The following FGD5 variants were observed in gnomAD, a reference collection of about 807,000 sequenced individuals.
FGD5 encodes the protein FYVE, RhoGEF and PH domain-containing protein 5.
FGD5 carries 28 observed loss-of-function variants against 133.4 expected under a neutral mutation model. The ratio of observed to expected loss-of-function variants is 0.21; its 90% confidence interval spans 0.16 to 0.29. The LOEUF is 0.29. Ranked by LOEUF, FGD5 falls within the 10% of genes least tolerant of loss-of-function variation. The probability of loss-of-function intolerance (pLI) is 1.00; values close to 1 mark genes in which losing one functional copy is unlikely to be tolerated. For synonymous variants in FGD5, 810 were observed against 776.5 expected (o/e 1.04, Z -0.72); for missense variants, 1,858 against 1,895.2 (o/e 0.98, Z 0.36).
chr3:14,920,736 C>T (rs2038660881), intron 13 of FGD5, among the ~76,000 whole-genome samples: 1 of 152,194 alleles, frequency 6.6e-6, no homozygotes, highest in Admixed American at 6.5e-5. Context: ...CTGGGGTTTG[C>T]GGCTCCTTCC....
chr3:14,904,405 ATTTAT>A lies in FGD5; in HGVS notation c.3265-3227_3265-3223del, dbSNP rs1354098135. Among the ~76,000 whole-genome samples, 5 of 152,132 alleles carry A rather than the reference ATTTAT, an allele frequency of 3.3e-5. No individual in the cohort carries two copies. The South Asian group carries it at 6.2e-4, about 19-fold the overall frequency. On this transcript the variant is annotated intron_variant, in intron 9 of 19. Coordinates refer to ENST00000285046, the MANE Select transcript of FGD5 (RefSeq NM_152536.4). Reference sequence around the variant, plus strand: ...GACTGTTATAATCCAACACTTCCTTATTTATTTTATTTCTCAAATTGTTTCAGCTT... The same window carrying A: ...GACTGTTATAATCCAACACTTCCTTATTTATTTCTCAAATTGTTTCAGCTT...
intron 10 of FGD5, among the ~76,000 whole-genome samples, chr3:14,909,761 C>CTTTTCT (rs2038411591): frequency 3.6e-5 from 5 of 137,498 alleles, no homozygotes; most frequent in Non-Finnish European, 6.3e-5. Flanking sequence ...CTTTTCTTTT[C>CTTTTCT]TTTTTTTTTT....
chr3:14,873,711 G>A (rs900371950), intron 2 of FGD5, among the ~76,000 whole-genome samples: 1 of 151,314 alleles, frequency 6.6e-6, no homozygotes, highest in Non-Finnish European at 1.5e-5. Flanking sequence ...AACGTTTAAC[G>A]TAAGAGCTAC....
intron 2 of FGD5, among the ~76,000 whole-genome samples, chr3:14,868,595 C>T (rs1011017337): frequency 8.5e-5 from 13 of 152,308 alleles, no homozygotes; most frequent in Non-Finnish European, 1.8e-4. Flanking sequence ...CACAGCTGCA[C>T]ACTGGCTCCA....
In FGD5 at chr3:14,820,854, T is replaced by G. The variant is rs2036480920; in HGVS notation, c.1783T>G (p.Phe595Val). 1 of 1,613,206 alleles carries G rather than the reference T, an allele frequency of 6.2e-7. No individual in the cohort carries two copies. The highest frequency in any genetic ancestry group is 1.7e-5 in the Admixed American group (1 of 59,964). Reference protein sequence around the residue: ...LSCVIGSSGSFSQRNHLPSSG... With the variant: ...LSCVIGSSGSVSQRNHLPSSG... Reference sequence around the variant, plus strand: ...GTGTGTAATTGGCTCCTCTGGGAGTTTCTCCCAGAGAAACCACCTTCCGTC... The same window carrying G: ...GTGTGTAATTGGCTCCTCTGGGAGTGTCTCCCAGAGAAACCACCTTCCGTC... Residue 595 changes from phenylalanine to valine, a missense_variant, in exon 1 of 20, where the codon TTC (phenylalanine) becomes GTC (valine). Phe to Val is a conservative substitution (Grantham distance 50, BLOSUM62 -1). Transcript: ENST00000285046.
chr3:14,912,496 G>T (rs1279675621), intron 11 of FGD5, among the ~76,000 whole-genome samples: 2 of 152,168 alleles, frequency 1.3e-5, no homozygotes, highest in East Asian at 3.9e-4. Context: ...TCTCAGAAGG[G>T]TTTCAAAGCC....
At position 14,898,744 on chromosome 3, in the gene FGD5, T is replaced by C. The variant is rs917377968; in HGVS notation, c.3072T>C (p.Ser1024=). Residue 1024 remains serine (S), a synonymous_variant, in exon 7 of 20, where the codon AGT becomes AGC. Coordinates refer to ENST00000285046, the MANE Select transcript of FGD5 (RefSeq NM_152536.4). ...CTTCCCTGTCTTGAGAGCAGCAGAG[T>C]GTACAAGGAGGCAGCCAGACTGCGA... is the stretch of plus-strand genomic sequence containing the variant. ...LAAAVREFEQ[S]VQGGSQTAKH... is the part of the protein sequence containing the mutation. The C allele has an allele frequency of 3.8e-6, 6 of 1,580,780 alleles. No individual in the cohort carries two copies. The African/African-American group carries it at 4.1e-5, about 11-fold the overall frequency.
chr3:14,925,629 G>A (rs909559216), intron 17 of FGD5, among the ~76,000 whole-genome samples: 3 of 152,100 alleles, frequency 2.0e-5, no homozygotes, highest in Non-Finnish European at 2.9e-5. Flanking sequence ...AGGACTTAAC[G>A]CTGCACACAC....
Position 14,922,512 on chromosome 3 carries a change from C to T in FGD5, c.3771C>T (p.Leu1257=), listed in dbSNP as rs758290837. Residue 1257 remains leucine, a synonymous_variant, in exon 15 of 20, where the codon CTC becomes CTT. Transcript: ENST00000285046. This position sits in a 1 kb window ranked among gnomAD's most constrained non-coding sequence, Gnocchi z 4.1. ...MCMNCGCDFS[L]TLRRHHCHAC... ...TGAACTGCGGCTGCGACTTCTCCCT[C>T]ACCCTGCGGCGTCATCACTGTCACG... 3 of 1,582,528 alleles carry T rather than the reference C, an allele frequency of 1.9e-6. No homozygotes were observed. The South Asian group carries it at 3.5e-5, about 18-fold the overall frequency.
intron 1 of FGD5, among the ~76,000 whole-genome samples, chr3:14,838,991 A>C (rs2125083533): frequency 6.6e-6 from 1 of 152,346 alleles, no homozygotes; most frequent in East Asian, 1.9e-4. Context: ...ACAGTTGCAC[A>C]GCTTTGTACC....
chr3:14,865,912 A>G (rs1033547520), intron 2 of FGD5, among the ~76,000 whole-genome samples: 5 of 152,162 alleles, frequency 3.3e-5, no homozygotes, highest in African/African-American at 1.2e-4. Context: ...GTGCCCATTT[A>G]GAGATGATTT....
upstream of FGD5, chr3:14,818,865 G>A (rs1241185663): frequency 2.2e-6 from 3 of 1,346,620 alleles, no homozygotes; most frequent in African/African-American, 3.0e-5. Context: ...GGAACCATCT[G>A]TGGCGTCCCC....
chr3:14,871,290 G>A (rs2037601557), intron 2 of FGD5, among the ~76,000 whole-genome samples: 1 of 152,180 alleles, frequency 6.6e-6, no homozygotes, highest in South Asian at 2.1e-4. Flanking sequence ...TTGCTGCCTA[G>A]TACATTAAGA....
intron 7 of FGD5, 35 bp downstream of exon 7, chr3:14,898,861 G>A (rs780205998): frequency 2.8e-5 from 43 of 1,542,482 alleles, no homozygotes; most frequent in African/African-American, 8.2e-5. Flanking sequence ...GGACTGAGGC[G>A]GCAGGGCAGG....
At chr3:14,900,966 T>TG (rs1553630164) in intron 8 of FGD5, 37 bp from the exon 9 acceptor site, 2 of 1,613,424 alleles carry the variant, frequency 1.2e-6, no homozygotes, top group Non-Finnish European at 1.7e-6. Flanking sequence ...ATGCCCCTCT[T>TG]GCAATGGCCC....
chr3:14,819,403 T>C lies in FGD5; in HGVS notation c.332T>C (p.Leu111Pro). 6.5e-7 allele frequency: 1 copy of C among 1,549,930 alleles called. No individual in the cohort carries two copies. The highest frequency in any genetic ancestry group is 8.7e-7 in the Non-Finnish European group (1 of 1,146,378). Residue 111 changes from leucine to proline, a missense_variant, in exon 1 of 20, where the codon CTG becomes CCG. By Grantham distance (98) the Leu-to-Pro change is moderately conservative (BLOSUM62 -3). Coordinates refer to ENST00000285046, the MANE Select transcript of FGD5 (RefSeq NM_152536.4). The surrounding 1 kb of genome is among the most constrained non-coding windows in gnomAD (Gnocchi z 4.1). ...GAAGAGGGAGGCGAGGCATGTGGCC[T>C]GGAGGGTACAGGAGCTGGTGAGGAT... ...EREEGGEACG[L>P]EGTGAGEDSV... is the part of the protein sequence containing the mutation.
Position 14,897,933 on chromosome 3 carries a change from C to G in FGD5, c.2910-6C>G. On this transcript the variant is annotated splice_region_variant and splice_polypyrimidine_tract_variant and intron_variant, in intron 5 of 19. Transcript: ENST00000285046. The stretch of plus-strand genomic sequence containing the variant: ...CTCACTGTCCCATCCCCATTCCTGG[C>G]TGCAGGGAGAGCCAGCAGAAGGTAG... The G allele has an allele frequency of 2.5e-6, 4 of 1,613,926 alleles. No individual in the cohort carries two copies. The highest frequency in any genetic ancestry group is 3.4e-6 in the Non-Finnish European group (4 of 1,179,842).
At chr3:14,814,863 G>T (rs1264923080), upstream of FGD5, among the ~76,000 whole-genome samples, 1 of 152,150 alleles carries the variant, frequency 6.6e-6, no homozygotes, top group African/African-American at 2.4e-5. Context: ...TAGTTGCGCA[G>T]ACTCAAAACC....
At chr3:14,876,926 G>A (rs888317112) in intron 2 of FGD5, among the ~76,000 whole-genome samples, 1 of 152,228 alleles carries the variant, frequency 6.6e-6, no homozygotes, top group Non-Finnish European at 1.5e-5. Context: ...CGACCTGCCC[G>A]GGTCCCAGAA....
Sources: allele counts gnomAD v4.1 joint callset (sites outside exome capture counted in the v4.1 genomes callset), GRCh38; gene constraint gnomAD v4.1.1; non-coding constraint Gnocchi (gnomAD v3.1); transcripts MANE v1.5; gene names NCBI Gene and HGNC (gene_info 2026-07-23, HGNC 2026-07-21).